USP34: variants seen among roughly 807,000 people sequenced by gnomAD.
The protein encoded by USP34 is ubiquitin specific peptidase 34.
A neutral mutation model predicts 460.3 loss-of-function variants in USP34; 70 were observed. That is an observed-to-expected ratio of 0.15 (90% CI 0.13 to 0.19). The LOEUF is 0.19. Ranked by LOEUF, USP34 falls within the 10% of genes least tolerant of loss-of-function variation. The pLI is 1.00. For synonymous variants in USP34, 1,647 were observed against 1,405.3 expected (o/e 1.17, Z -3.85); for missense variants, 3,985 against 4,236.2 (o/e 0.94, Z 1.65).
intron 16 of USP34, among the ~76,000 whole-genome samples, chr2:61,343,426 C>T (rs966447195): frequency 3.9e-5 from 6 of 152,130 alleles, no homozygotes; most frequent in Non-Finnish European, 2.9e-5. Flanking sequence ...TGCAGATTTG[C>T]CTATTCTAGA....
intron 10 of USP34, among the ~76,000 whole-genome samples, chr2:61,369,661 A>G (rs1418995866): frequency 6.6e-6 from 1 of 151,098 alleles, no homozygotes; most frequent in East Asian, 1.9e-4. Context: ...AAAAAAAAAA[A>G]AAAAAGACTG....
chr2:61,286,542 GCTA>G (rs1181826965), intron 34 of USP34, among the ~76,000 whole-genome samples: 6 of 152,096 alleles, frequency 3.9e-5, no homozygotes, highest in African/African-American at 1.4e-4. Flanking sequence ...TGTAATCCCA[GCTA>G]CCTGGAGGCT....
intron 75 of USP34, among the ~76,000 whole-genome samples, chr2:61,199,487 C>T (rs925700042): frequency 6.6e-6 from 1 of 152,198 alleles, no homozygotes; most frequent in African/African-American, 2.4e-5. Context: ...AACTCCTAAC[C>T]TCAGGTGATC....
At position 61,278,305 on chromosome 2, in the gene USP34, TACAC is replaced by T; in HGVS notation, c.5313-24_5313-21del. The T allele has an allele frequency of 1.2e-6, 2 of 1,611,592 alleles. No individual in the cohort carries two copies. Among genetic ancestry groups the T allele is most frequent in the South Asian group, 2.2e-5 (2 of 90,506 alleles). ...TCCCTACTACAAAAAAGAAAAAAAA[TACAC>T]ACAAGCAAGATAGTTCACATAATTA... On this transcript the variant is annotated intron_variant, in intron 40 of 79. Coordinates refer to ENST00000398571, the MANE Select transcript of USP34 (RefSeq NM_014709.4).
At chr2:61,356,600 TA>T (rs911878209) in intron 10 of USP34, among the ~76,000 whole-genome samples, 4 of 151,892 alleles carry the variant, frequency 2.6e-5, no homozygotes, top group Non-Finnish European at 5.9e-5. Flanking sequence ...CTAAGTGAAA[TA>T]AGCCAGTCAC....
At chr2:61,195,219 A>G (rs1352640606) in intron 75 of USP34, among the ~76,000 whole-genome samples, 1 of 151,660 alleles carries the variant, frequency 6.6e-6, no homozygotes, top group Non-Finnish European at 1.5e-5. Flanking sequence ...ACTCTCTCAA[A>G]AAGTTTTGTA....
At chr2:61,380,850 T>C (rs527299647) in intron 6 of USP34, among the ~76,000 whole-genome samples, 1 of 152,338 alleles carries the variant, frequency 6.6e-6, no homozygotes, top group African/African-American at 2.4e-5. Context: ...AAGTGCCTGA[T>C]GCTCCAACTG....
At chr2:61,460,132 G>A (rs1695557468) in intron 1 of USP34, among the ~76,000 whole-genome samples, 1 of 152,126 alleles carries the variant, frequency 6.6e-6, no homozygotes, top group South Asian at 2.1e-4. Flanking sequence ...TAGTTTCCAA[G>A]CTTATTAAGA....
At chr2:61,243,734 G>A (rs1047486422) in intron 51 of USP34, among the ~76,000 whole-genome samples, 2 of 151,910 alleles carry the variant, frequency 1.3e-5, no homozygotes, top group East Asian at 3.9e-4. Context: ...AGCTGGGCAT[G>A]GTGGCGCGTG....
At chr2:61,234,628 G>A (rs1042442178) in intron 57 of USP34, among the ~76,000 whole-genome samples, 4 of 151,944 alleles carry the variant, frequency 2.6e-5, no homozygotes, top group African/African-American at 9.7e-5. Context: ...CAAAGTTTCA[G>A]GTTTATTTTT....
chr2:61,255,782 C>T (rs1302375587), intron 48 of USP34, among the ~76,000 whole-genome samples: 1 of 152,194 alleles, frequency 6.6e-6, no homozygotes, highest in African/African-American at 2.4e-5. Context: ...ATCTGTGTTG[C>T]AGACACTACC....
intron 5 of USP34, among the ~76,000 whole-genome samples, chr2:61,385,701 C>T (rs1200121529): frequency 1.7e-5 from 2 of 115,166 alleles, no homozygotes; most frequent in Non-Finnish European, 3.6e-5. Context: ...AAAAGAAATA[C>T]GACAAGGAGA....
intron 1 of USP34, among the ~76,000 whole-genome samples, chr2:61,447,785 G>C (rs984925806): frequency 2.6e-5 from 4 of 151,904 alleles, no homozygotes; most frequent in African/African-American, 9.7e-5. Flanking sequence ...GTGCAATCTC[G>C]GCTTGCTGCA....
chr2:61,195,886 C>T (rs910756458), intron 75 of USP34, among the ~76,000 whole-genome samples: 1 of 151,912 alleles, frequency 6.6e-6, no homozygotes, highest in Non-Finnish European at 1.5e-5. Context: ...TACTATCCCC[C>T]CAAAGTAAAA....
At chr2:61,337,235 T>A (rs1240761030) in intron 18 of USP34, among the ~76,000 whole-genome samples, 2 of 152,180 alleles carry the variant, frequency 1.3e-5, no homozygotes, top group Admixed American at 1.3e-4. Context: ...TTTTACATGA[T>A]ATAAATAAAA....
rs758074145 is a variant in USP34 at position 61,395,043 on chromosome 2, C to T, written c.604-41G>A. The T allele has an allele frequency of 5.8e-6, 9 of 1,543,540 alleles. No homozygotes were observed. In the South Asian group the frequency reaches 1.1e-4, roughly 20 times the overall value. ...AAACATGTCATTATTTGAAAACGTA[C>T]AAATAATTTTTATCTTAGCAATACT... is the stretch of plus-strand genomic sequence containing the variant. On this transcript the variant is annotated intron_variant, in intron 4 of 79. Coordinates refer to ENST00000398571, the MANE Select transcript of USP34 (RefSeq NM_014709.4).
At chr2:61,409,853 A>C (rs904069426) in intron 2 of USP34, among the ~76,000 whole-genome samples, 20 of 152,258 alleles carry the variant, frequency 1.3e-4, no homozygotes, top group African/African-American at 4.6e-4. Flanking sequence ...GGGTCCTTCC[A>C]GATCCAAAAT....
intron 27 of USP34, among the ~76,000 whole-genome samples, chr2:61,309,942 C>T (rs1278465161): frequency 6.6e-6 from 1 of 152,158 alleles, no homozygotes; most frequent in African/African-American, 2.4e-5. Context: ...ATAGTAGCTA[C>T]ATGTCCCTTT....
chr2:61,277,700 C>A (rs913817956), intron 41 of USP34: 2 of 152,562 alleles, frequency 1.3e-5, no homozygotes, highest in African/African-American at 4.8e-5. Context: ...AAAAAATTAA[C>A]ATATCCACAT....
Sources: gnomAD v4.1 joint callset for allele counts (sites outside exome capture counted in the v4.1 genomes callset) on GRCh38, gnomAD v4.1.1 for gene constraint, MANE v1.5 for transcripts, NCBI Gene and HGNC (gene_info 2026-07-23, HGNC 2026-07-21) for gene names.